QTGAL: variants seen among roughly 807,000 people sequenced by gnomAD.
QTGAL encodes the protein queuosine-tRNA galactosyltransferase, also known as BGnT-like protein 1.
the QTGAL span, among the ~76,000 whole-genome samples, chr17:83,044,190 C>T: frequency 2.0e-5 from 3 of 152,182 alleles, no homozygotes; most frequent in African/African-American, 7.2e-5. Context: ...TGAATAGGAA[C>T]CTACAGGCCA....
At chr17:83,045,745 T>C in the QTGAL span, among the ~76,000 whole-genome samples, 5 of 152,188 alleles carry the variant, frequency 3.3e-5, no homozygotes, top group African/African-American at 9.7e-5. Flanking sequence ...TGAAAACACA[T>C]ACAGCTCAAT....
At chr17:83,009,510 G>A in the QTGAL span, among the ~76,000 whole-genome samples, 2 of 152,220 alleles carry the variant, frequency 1.3e-5, no homozygotes, top group Non-Finnish European at 2.9e-5. Flanking sequence ...CCCACTGCAC[G>A]GCCTGGCACA....
At chr17:83,051,099 GCAGGTGCGCGGGGGCGAGT>G in the QTGAL span, among the ~76,000 whole-genome samples, 1 of 144,550 alleles carries the variant, frequency 6.9e-6, no homozygotes, top group African/African-American at 2.6e-5. Context: ...GGTGCGCGCG[GCAGGTGCGCGGGGGCGAGT>G]CAGGAGCGCG....
At chr17:83,005,533 C>A in the QTGAL span, 1 of 699,232 alleles carries the variant, frequency 1.4e-6, no homozygotes, top group South Asian at 1.5e-5. The surrounding 1 kb of genome is among the most constrained non-coding windows in gnomAD (Gnocchi z 5.6). Flanking sequence ...GAACTCAAAT[C>A]AAATGGCCCA....
chr17:83,031,950 G>C, the QTGAL span, among the ~76,000 whole-genome samples: 2 of 152,266 alleles, frequency 1.3e-5, no homozygotes, highest in African/African-American at 4.8e-5. Context: ...AGAGCAGCCA[G>C]CACCCGGGAA....
the QTGAL span, among the ~76,000 whole-genome samples, chr17:83,020,474 C>CAA: frequency 6.6e-6 from 1 of 152,162 alleles, no homozygotes. Flanking sequence ...TAAAACAAAA[C>CAA]AAAATGCCTG....
chr17:82,946,952 A>AG, the QTGAL span: 2 of 1,569,972 alleles, frequency 1.3e-6, no homozygotes, highest in Non-Finnish European at 1.7e-6. Context: ...CAGTGACCTC[A>AG]GGTTGTCCTC....
the QTGAL span, chr17:83,048,989 G>GAA: frequency 1.4e-3 from 750 of 525,392 alleles, no homozygotes; most frequent in South Asian, 3.7e-3. Flanking sequence ...TTTTGAAAGT[G>GAA]AAAAAAAAAC....
the QTGAL span, among the ~76,000 whole-genome samples, chr17:82,963,037 G>A: frequency 1.3e-5 from 2 of 152,188 alleles, no homozygotes; most frequent in Admixed American, 6.5e-5. Flanking sequence ...CTGGCGGGGC[G>A]CAGGGAGAGG....
the QTGAL span, chr17:83,048,443 G>T: frequency 2.6e-6 from 4 of 1,554,988 alleles, no homozygotes; most frequent in Non-Finnish European, 3.6e-6. Context: ...ACGAATTATA[G>T]TTTAATAAAC....
At chr17:83,018,240 C>T in the QTGAL span, among the ~76,000 whole-genome samples, 2,154 of 93,492 alleles carry the variant, frequency 0.023, 77 homozygotes, top group African/African-American at 0.071. Context: ...ACGTGCTCCA[C>T]AAACACGGTG....
At chr17:82,974,101 T>G in the QTGAL span, among the ~76,000 whole-genome samples, 2 of 152,222 alleles carry the variant, frequency 1.3e-5, no homozygotes, top group African/African-American at 2.4e-5. Context: ...AGAGTTCTCC[T>G]GCCCCTTGGG....
chr17:83,001,227 G>C, the QTGAL span, among the ~76,000 whole-genome samples: 1 of 152,188 alleles, frequency 6.6e-6, no homozygotes, highest in Non-Finnish European at 1.5e-5. Context: ...AGGGACAGAG[G>C]AATCTGTTAA....
the QTGAL span, among the ~76,000 whole-genome samples, chr17:82,946,698 AGTG>A: frequency 6.6e-6 from 1 of 152,212 alleles, no homozygotes; most frequent in African/African-American, 2.4e-5. Flanking sequence ...GTTCACCTAA[AGTG>A]GTGCTTAAGC....
At chr17:82,942,239 C>G in the QTGAL span, 1 of 618,696 alleles carries the variant, frequency 1.6e-6, no homozygotes, top group Non-Finnish European at 2.8e-6. Context: ...TTCCCGCTCC[C>G]CAGATGGGGT....
the QTGAL span, among the ~76,000 whole-genome samples, chr17:83,015,626 G>A: frequency 7.7e-4 from 117 of 152,326 alleles, no homozygotes; most frequent in African/African-American, 2.4e-3. This position sits in a 1 kb window ranked among gnomAD's most constrained non-coding sequence, Gnocchi z 4.4. Context: ...CCCAATTCCC[G>A]GGGAAGCGGG....
the QTGAL span, among the ~76,000 whole-genome samples, chr17:82,971,218 C>A: frequency 6.6e-6 from 1 of 152,204 alleles, no homozygotes; most frequent in Non-Finnish European, 1.5e-5. Context: ...TTCTATCGGA[C>A]AGAATTACGC....
At chr17:82,951,190 G>T in the QTGAL span, among the ~76,000 whole-genome samples, 1 of 152,144 alleles carries the variant, frequency 6.6e-6, no homozygotes, top group Non-Finnish European at 1.5e-5. Context: ...CCTATGAAAG[G>T]CCTGCATGGT....
the QTGAL span, among the ~76,000 whole-genome samples, chr17:83,009,076 G>A: frequency 6.6e-6 from 1 of 152,076 alleles, no homozygotes; most frequent in Non-Finnish European, 1.5e-5. Context: ...CACACAGAAG[G>A]AAACTCACAC....
Sources: gnomAD v4.1 joint callset for allele counts (sites outside exome capture counted in the v4.1 genomes callset) on GRCh38, gnomAD v4.1.1 for gene constraint, Gnocchi (gnomAD v3.1) non-coding constraint, MANE v1.5 for transcripts, NCBI Gene and HGNC (gene_info 2026-07-23, HGNC 2026-07-21) for gene names.